The following CPNE4 variants were observed in gnomAD, a reference collection of about 807,000 sequenced individuals.
CPNE4 encodes the protein copine 4, also known as copine-4.
In CPNE4, 25 loss-of-function variants were observed where a neutral mutation model predicts 67.9. The observed-to-expected ratio is 0.37, with a 90% CI of 0.27 to 0.51. CPNE4 has a LOEUF of 0.51. CPNE4 is among the 20% of genes least tolerant of loss of function. CPNE4 has a pLI of 0.93. For missense variants in CPNE4, 464 were observed against 690.8 expected, an observed-to-expected ratio of 0.67 and a Z score of 3.68; for synonymous variants, 242 against 244.9, an observed-to-expected ratio of 0.99 and a Z score of 0.11.
At chr3:132,004,167 GA>G (rs2073527706) in intron 1 of CPNE4, among the ~76,000 whole-genome samples, 1 of 148,740 alleles carries the variant, frequency 6.7e-6, no homozygotes, top group African/African-American at 2.4e-5. Flanking sequence ...TCTCTTCTGT[GA>G]AAATTACAAA....
intron 7 of CPNE4, among the ~76,000 whole-genome samples, chr3:131,598,252 T>C (rs1939005098): frequency 6.6e-6 from 1 of 152,212 alleles, no homozygotes; most frequent in Admixed American, 6.5e-5. Flanking sequence ...TTCAGTTTCC[T>C]ACTCTATAAA....
intron 8 of CPNE4, among the ~76,000 whole-genome samples, chr3:131,587,218 A>G (rs1038732757): frequency 1.1e-4 from 17 of 152,314 alleles, no homozygotes; most frequent in Admixed American, 3.9e-4. Context: ...TACACAGGTA[A>G]AGGAAGTTAG....
intron 15 of CPNE4, among the ~76,000 whole-genome samples, chr3:131,538,675 T>G (rs1448731279): frequency 6.6e-6 from 1 of 152,222 alleles, no homozygotes; most frequent in Non-Finnish European, 1.5e-5. Context: ...GTCTCCTAAA[T>G]TAATGTGCTG....
intron 2 of CPNE4, among the ~76,000 whole-genome samples, chr3:131,747,320 T>C (rs2082516375): frequency 6.6e-6 from 1 of 152,090 alleles, no homozygotes. Context: ...TTGTTGTCTG[T>C]GCTTTTGAGG....
At chr3:131,698,310 G>A (rs978826686) in intron 4 of CPNE4, among the ~76,000 whole-genome samples, 7 of 149,328 alleles carry the variant, frequency 4.7e-5, no homozygotes, top group Admixed American at 3.3e-4. Flanking sequence ...AAAATCTCAG[G>A]ATATCTCAGA....
At chr3:131,913,373 AT>A (rs1472092344) in intron 1 of CPNE4, among the ~76,000 whole-genome samples, 2 of 152,310 alleles carry the variant, frequency 1.3e-5, no homozygotes, top group East Asian at 3.9e-4. Flanking sequence ...CATCGGGGGC[AT>A]TCCACTGGTA....
At chr3:131,802,437 C>G (rs1199133580) in intron 2 of CPNE4, among the ~76,000 whole-genome samples, 1 of 152,180 alleles carries the variant, frequency 6.6e-6, no homozygotes, top group Non-Finnish European at 1.5e-5. Context: ...TAGACTATTA[C>G]AAACTCTTCT....
intron 7 of CPNE4, among the ~76,000 whole-genome samples, chr3:131,668,068 G>T (rs916682600): frequency 2.6e-5 from 4 of 152,112 alleles, no homozygotes. Context: ...TTTCCAGTGG[G>T]GTTGAGGCTT....
At chr3:131,987,781 A>T (rs1025393684) in intron 1 of CPNE4, among the ~76,000 whole-genome samples, 1 of 152,192 alleles carries the variant, frequency 6.6e-6, no homozygotes, top group African/African-American at 2.4e-5. Context: ...CTGATGGTCT[A>T]GATTTCTAAC....
At chr3:131,916,897 G>A (rs139621229) in intron 1 of CPNE4, among the ~76,000 whole-genome samples, 1 of 152,284 alleles carries the variant, frequency 6.6e-6, no homozygotes, top group East Asian at 1.9e-4. Flanking sequence ...AGCAACTCAT[G>A]AAAACAGGAC....
intron 7 of CPNE4, among the ~76,000 whole-genome samples, chr3:131,653,984 G>A (rs898312847): frequency 2.0e-5 from 3 of 152,186 alleles, no homozygotes; most frequent in Non-Finnish European, 4.4e-5. Flanking sequence ...AAGTTAAGCG[G>A]TGGTTCTTTA....
At chr3:131,958,231 G>A (rs996108430) in intron 1 of CPNE4, among the ~76,000 whole-genome samples, 1 of 152,184 alleles carries the variant, frequency 6.6e-6, no homozygotes, top group African/African-American at 2.4e-5. Context: ...AGGTATAGAT[G>A]AGCAATAAAT....
rs181874099 is a variant in CPNE4 at position 131,803,480 on chromosome 3, T to C, written c.181-79855A>G. On this transcript the variant is annotated intron_variant, in intron 2 of 15. Transcript: ENST00000429747. Reference sequence around the variant, plus strand: ...GAAGACAAACTGTGTATGTGATTTGTTCTCCTCAAATGAGATATTCAGGTA... The same window carrying C: ...GAAGACAAACTGTGTATGTGATTTGCTCTCCTCAAATGAGATATTCAGGTA... Among the ~76,000 whole-genome samples, 28 of 152,356 alleles carry C rather than the reference T, an allele frequency of 1.8e-4. No individual in the cohort carries two copies. The East Asian group carries it at 4.8e-3, about 26-fold the overall frequency.
chr3:131,980,155 A>G (rs144083550), intron 1 of CPNE4, among the ~76,000 whole-genome samples: 588 of 152,220 alleles, frequency 3.9e-3, no homozygotes, highest in Admixed American at 0.01. Context: ...ACTTTGGATA[A>G]CCTGATGAAA....
intron 1 of CPNE4, among the ~76,000 whole-genome samples, chr3:132,028,704 T>C (rs1196527136): frequency 6.6e-6 from 1 of 152,166 alleles, no homozygotes; most frequent in African/African-American, 2.4e-5. Flanking sequence ...TTCTTATAGA[T>C]CTGCACTGTT....
At chr3:131,575,557 T>G (rs1367400639) in intron 9 of CPNE4, among the ~76,000 whole-genome samples, 2 of 152,144 alleles carry the variant, frequency 1.3e-5, no homozygotes, top group Non-Finnish European at 2.9e-5. Context: ...TAAAATACCA[T>G]TGGCTGAGAA....
chr3:131,890,237 A>G (rs1018143940), intron 2 of CPNE4, among the ~76,000 whole-genome samples: 2 of 152,112 alleles, frequency 1.3e-5, no homozygotes, highest in Non-Finnish European at 2.9e-5. Context: ...AAAACACAAT[A>G]GTAAAAACAC....
intron 2 of CPNE4, among the ~76,000 whole-genome samples, chr3:131,887,064 G>C (rs1419520909): frequency 6.6e-6 from 1 of 152,124 alleles, no homozygotes; most frequent in Non-Finnish European, 1.5e-5. Context: ...GATATTGTTT[G>C]GCTCCGTGTC....
intron 2 of CPNE4, among the ~76,000 whole-genome samples, chr3:131,731,927 G>A (rs1466562430): frequency 1.3e-5 from 2 of 152,152 alleles, no homozygotes; most frequent in Non-Finnish European, 2.9e-5. Flanking sequence ...TTCTTGCATC[G>A]AAACCACCTG....
Sources: gnomAD v4.1 joint callset for allele counts (sites outside exome capture counted in the v4.1 genomes callset) on GRCh38, gnomAD v4.1.1 for gene constraint, MANE v1.5 for transcripts, NCBI Gene and HGNC (gene_info 2026-07-23, HGNC 2026-07-21) for gene names.